Variants in ARMH3 observed in about 807,000 individuals in gnomAD.
The protein encoded by ARMH3 is armadillo-like helical domain-containing protein 3.
ARMH3 carries 60 observed loss-of-function variants against 99.1 expected under a neutral mutation model. The ratio of observed to expected loss-of-function variants is 0.61; its 90% CI spans 0.49 to 0.75. The LOEUF is 0.75. ARMH3 is among the 30% of genes least tolerant of loss of function. ARMH3 has a pLI of 0.00. For synonymous variants in ARMH3, 285 were observed against 292.8 expected (o/e 0.97, Z 0.27); for missense variants, 679 against 843.1 (o/e 0.81, Z 2.41).
At chr10:101,972,845 T>A (rs147941757) in intron 20 of ARMH3, among the ~76,000 whole-genome samples, 2 of 152,272 alleles carry the variant, frequency 1.3e-5, no homozygotes, top group African/African-American at 4.8e-5. Context: ...CTAAGGACAC[T>A]CATATATACT....
intron 14 of ARMH3, among the ~76,000 whole-genome samples, chr10:102,005,948 G>A (rs2066476545): frequency 1.3e-5 from 2 of 152,166 alleles, no homozygotes; most frequent in Non-Finnish European, 2.9e-5. Context: ...GTGAGTGCCA[G>A]GTTCACATTC....
intron 24 of ARMH3, among the ~76,000 whole-genome samples, chr10:101,858,536 C>T (rs1188069204): frequency 6.6e-6 from 1 of 152,132 alleles, no homozygotes; most frequent in African/African-American, 2.4e-5. Context: ...TTTTTAGGGC[C>T]TGAAATTGGG....
intron 24 of ARMH3, among the ~76,000 whole-genome samples, chr10:101,876,103 G>T (rs557124493): frequency 6.6e-6 from 1 of 151,940 alleles, no homozygotes; most frequent in Non-Finnish European, 1.5e-5. Flanking sequence ...AAAAAAATCA[G>T]CTGGGCATGG....
At chr10:101,978,813 C>T (rs964015277) in intron 19 of ARMH3, among the ~76,000 whole-genome samples, 2 of 151,824 alleles carry the variant, frequency 1.3e-5, no homozygotes, top group Non-Finnish European at 1.5e-5. Flanking sequence ...TGGTGGCAGG[C>T]GCCTGTAATC....
At chr10:101,952,872 A>G (rs1012017549) in intron 22 of ARMH3, among the ~76,000 whole-genome samples, 2 of 152,118 alleles carry the variant, frequency 1.3e-5, no homozygotes, top group African/African-American at 4.8e-5. Flanking sequence ...TACTTTCCAT[A>G]TCTGTGAATT....
chr10:101,968,570 G>C (rs541707629), intron 20 of ARMH3, among the ~76,000 whole-genome samples: 15 of 152,320 alleles, frequency 9.8e-5, no homozygotes, highest in Admixed American at 6.5e-4. Context: ...GGGCCTATGA[G>C]AGTTGACATT....
intron 23 of ARMH3, among the ~76,000 whole-genome samples, chr10:101,914,019 T>C (rs1035763067): frequency 6.6e-6 from 1 of 152,198 alleles, no homozygotes; most frequent in African/African-American, 2.4e-5. Context: ...ACTACCAATG[T>C]AGGTCAGAAA....
intron 22 of ARMH3, among the ~76,000 whole-genome samples, chr10:101,945,563 C>T (rs1187399884): frequency 1.3e-5 from 2 of 151,766 alleles, no homozygotes; most frequent in Non-Finnish European, 2.9e-5. Flanking sequence ...ACTAAAAATA[C>T]AAAACTTAAC....
At chr10:102,028,903 G>C (rs1033278566) in intron 5 of ARMH3, among the ~76,000 whole-genome samples, 3 of 152,132 alleles carry the variant, frequency 2.0e-5, no homozygotes, top group African/African-American at 4.8e-5. Context: ...ACAGGGTCTT[G>C]CTCTGTTGCC....
rs145644247 is a variant in ARMH3, at chr10:101,902,016, G to C, written c.1782-12526C>G. On this transcript the variant is annotated intron_variant, in intron 23 of 25. Coordinates refer to ENST00000370033, the MANE Select transcript of ARMH3 (RefSeq NM_024541.3). Reference sequence around the variant, plus strand: ...GCTTTATTAATGAGTTAGCACCAAAGCTAACAGGGTCAGATTTGTTGAGAC... The same window carrying C: ...GCTTTATTAATGAGTTAGCACCAAACCTAACAGGGTCAGATTTGTTGAGAC... 3.7e-4 allele frequency among the ~76,000 whole-genome samples: 57 copies of C among 152,236 alleles called. 1 individual carries two copies. The highest frequency in any genetic ancestry group is 1.3e-3 in the African/African-American group (56 of 41,540).
chr10:101,946,071 CAAAAAAAAAAAAAAAAAAAA>C (rs569179050), intron 22 of ARMH3, among the ~76,000 whole-genome samples: 3 of 34,500 alleles, frequency 8.7e-5, no homozygotes, highest in Non-Finnish European at 1.3e-4. Context: ...GACTCTGCCT[CAAAAAAAAAAAAAAAAAAAA>C]AAAAAAAAAA....
At chr10:101,997,896 G>C (rs1847135215) in intron 15 of ARMH3, among the ~76,000 whole-genome samples, 1 of 152,096 alleles carries the variant, frequency 6.6e-6, no homozygotes, top group African/African-American at 2.4e-5. Flanking sequence ...TGCTTCTATT[G>C]CTGCTAAAAA....
In ARMH3 at chr10:101,889,507, G is replaced by A. The variant is rs181232884; in HGVS notation, c.1782-17C>T. ...ATGATGGCTCTGAAACAAAGAATTC[G>A]TATTAATATGGTGCCAGATAGAAGA... On this transcript the variant is annotated splice_polypyrimidine_tract_variant and intron_variant, in intron 23 of 25. Transcript: ENST00000370033. 1.6e-4 allele frequency: 255 copies of A among 1,594,210 alleles called. 1 individual carries two copies. In the Middle Eastern group the frequency reaches 7.3e-3, roughly 46 times the overall value.
chr10:102,022,092 C>T (rs2066898497), intron 8 of ARMH3, among the ~76,000 whole-genome samples: 1 of 152,204 alleles, frequency 6.6e-6, no homozygotes, highest in Middle Eastern at 3.4e-3. Flanking sequence ...GAGAAATAGG[C>T]TATATCATGC....
intron 24 of ARMH3, among the ~76,000 whole-genome samples, chr10:101,864,076 A>ACACACAC (rs1194790506): frequency 7.8e-6 from 1 of 128,252 alleles, no homozygotes; most frequent in African/African-American, 2.8e-5. Flanking sequence ...AAAAAAAAAA[A>ACACACAC]AAACACACAC....
At chr10:102,048,516 T>G (rs536771130) in intron 1 of ARMH3, among the ~76,000 whole-genome samples, 24 of 152,334 alleles carry the variant, frequency 1.6e-4, no homozygotes, top group Middle Eastern at 3.4e-3. Flanking sequence ...AACCTCCGCT[T>G]CCTGGGTTCC....
chr10:101,869,977 G>A (rs898237942), intron 24 of ARMH3, among the ~76,000 whole-genome samples: 6 of 152,228 alleles, frequency 3.9e-5, no homozygotes, highest in Non-Finnish European at 8.8e-5. Flanking sequence ...AGGCTGCAGT[G>A]AGCAGAGATT....
chr10:101,938,636 C>T (rs977964822), intron 23 of ARMH3, among the ~76,000 whole-genome samples: 6 of 152,252 alleles, frequency 3.9e-5, no homozygotes, highest in Non-Finnish European at 8.8e-5. Context: ...CAAACACCCA[C>T]ATTTGTCATG....
intron 20 of ARMH3, among the ~76,000 whole-genome samples, chr10:101,964,278 A>G (rs773771370): frequency 2.6e-5 from 4 of 152,056 alleles, no homozygotes; most frequent in Admixed American, 2.0e-4. Flanking sequence ...CCAAAGTGCT[A>G]GGATTACAGG....
Sources: gnomAD v4.1 joint callset for allele counts (sites outside exome capture counted in the v4.1 genomes callset) on GRCh38, gnomAD v4.1.1 for gene constraint, MANE v1.5 for transcripts, NCBI Gene and HGNC (gene_info 2026-07-23, HGNC 2026-07-21) for gene names.